Variants in PCDHGB7 observed in about 807,000 individuals in gnomAD.
PCDHGB7 encodes protocadherin gamma-B7.
A neutral mutation model predicts 61.4 loss-of-function variants in PCDHGB7; 37 were observed. The ratio of observed to expected loss-of-function variants is 0.60; its 90% CI spans 0.46 to 0.79. PCDHGB7 has a LOEUF of 0.79. PCDHGB7 is among the 30% of genes least tolerant of loss of function. The pLI is 0.00. For missense variants in PCDHGB7, 1,166 were observed against 1,202.5 expected (o/e 0.97, Z 0.45); for synonymous variants, 464 against 503.5 (o/e 0.92, Z 1.05).
intron 1 of PCDHGB7, chr5:141,433,239 G>A: frequency 1.3e-6 from 2 of 1,494,126 alleles, no homozygotes; most frequent in Non-Finnish European, 1.8e-6. Context: ...TGTCTCCCAA[G>A]CTGGAATGCA....
At position 141,490,908 on chromosome 5, in the gene PCDHGB7, C is replaced by G; in HGVS notation, c.2416-3899C>G. On this transcript the variant is annotated intron_variant, in intron 1 of 3. Transcript: ENST00000398594. This position sits in a 1 kb window ranked among gnomAD's most constrained non-coding sequence, Gnocchi z 5.4. ...CATCTCTGCATGTGTTTGTCCTAGA[C>G]GAGAATGATAATGCCCCAGCTGTGC... The G allele has an allele frequency of 6.2e-7, 1 of 1,613,710 alleles. No individual in the cohort carries two copies. Among genetic ancestry groups the G allele is most frequent in the Non-Finnish European group, 8.5e-7 (1 of 1,179,754 alleles).
At chr5:141,510,158 A>G (rs1406170246) in intron 3 of PCDHGB7, among the ~76,000 whole-genome samples, 1 of 152,018 alleles carries the variant, frequency 6.6e-6, no homozygotes, top group African/African-American at 2.4e-5. Flanking sequence ...CTGTAATCTC[A>G]GCTACTCAGG....
Position 141,418,431 on chromosome 5 carries a change from A to T in PCDHGB7, c.572A>T (p.Tyr191Phe), listed in dbSNP as rs751083183. 3 of 1,614,000 alleles carry T rather than the reference A, an allele frequency of 1.9e-6. No individual in the cohort carries two copies. The highest frequency in any genetic ancestry group is 2.2e-5 in the East Asian group (1 of 44,882). The change falls in exon 1 of 4, where the codon TAT becomes TTT. Residue 191 changes from tyrosine (Y) to phenylalanine (F), a missense_variant. Tyr to Phe is a conservative substitution (Grantham distance 22). Coordinates refer to ENST00000398594, the MANE Select transcript of PCDHGB7 (RefSeq NM_018927.4). ...VEKDNPDGGK[Y>F]PELVLQKTLD... Reference sequence around the variant, plus strand: ...AAAGACAATCCTGATGGTGGCAAATATCCAGAATTAGTATTGCAGAAGACT... The same window carrying T: ...AAAGACAATCCTGATGGTGGCAAATTTCCAGAATTAGTATTGCAGAAGACT...
intron 1 of PCDHGB7, among the ~76,000 whole-genome samples, chr5:141,449,630 T>C (rs1006977026): frequency 6.7e-6 from 1 of 150,024 alleles, no homozygotes; most frequent in South Asian, 2.1e-4. Flanking sequence ...TTTAAAAAGA[T>C]GTATCTATAT....
rs535152193 is a variant in PCDHGB7, at chr5:141,422,906, C to G, written c.2415+2632C>G. ...TTCGTGCTGGACCAGAACGACAATG[C>G]GCCCGAGATCCTGTACCCTGCCCTC... On this transcript the variant is annotated intron_variant, in intron 1 of 3. Transcript: ENST00000398594. 6 of 1,614,264 alleles carry G rather than the reference C, an allele frequency of 3.7e-6. No homozygotes were observed. The South Asian group carries it at 6.6e-5, about 18-fold the overall frequency.
At chr5:141,444,255 T>G (rs764607115) in intron 1 of PCDHGB7, among the ~76,000 whole-genome samples, 8 of 130,834 alleles carry the variant, frequency 6.1e-5, no homozygotes, top group Non-Finnish European at 1.2e-4. Context: ...CACTGCAACC[T>G]CCGCCTCCCA....
At chr5:141,433,343 G>A (rs1591274674) in intron 1 of PCDHGB7, 1 of 630,308 alleles carries the variant, frequency 1.6e-6, no homozygotes, top group Admixed American at 3.0e-5. Flanking sequence ...ACAGGTGCAA[G>A]CCACCTACTG....
intron 1 of PCDHGB7, among the ~76,000 whole-genome samples, chr5:141,470,729 G>T (rs1253040487): frequency 6.6e-6 from 1 of 152,102 alleles, no homozygotes; most frequent in Non-Finnish European, 1.5e-5. Context: ...TCAGGGTCTT[G>T]CTCTGTCGCC....
At chr5:141,509,411 AGCC>A (rs2099876675) in intron 3 of PCDHGB7, among the ~76,000 whole-genome samples, 2 of 152,098 alleles carry the variant, frequency 1.3e-5, no homozygotes, top group Admixed American at 1.3e-4. Flanking sequence ...TCCAGCAGCG[AGCC>A]CCAATGAGTC....
chr5:141,494,729 C>T (rs2099756368), intron 1 of PCDHGB7, 78 bp from the exon 2 acceptor site: 31 of 1,610,050 alleles, frequency 1.9e-5, no homozygotes, highest in Admixed American at 3.3e-5. Flanking sequence ...CCTTCTCTCC[C>T]GGCCCATCCC....
At chr5:141,430,252 A>C (rs1292590200) in intron 1 of PCDHGB7, among the ~76,000 whole-genome samples, 1 of 102,244 alleles carries the variant, frequency 9.8e-6, no homozygotes, top group Admixed American at 1.0e-4. Context: ...CTAGGGAGAC[A>C]TCTCCATAAT....
intron 3 of PCDHGB7, among the ~76,000 whole-genome samples, chr5:141,509,015 C>T (rs1370464396): frequency 6.6e-6 from 1 of 152,098 alleles, no homozygotes; most frequent in East Asian, 1.9e-4. Flanking sequence ...AAGTGGGCAG[C>T]TGCTCCCTCC....
At chr5:141,423,448 T>A (rs780751840) in intron 1 of PCDHGB7, 1 of 1,613,992 alleles carries the variant, frequency 6.2e-7, no homozygotes, top group East Asian at 2.2e-5. Context: ...CACGTCACAT[T>A]TTGTAGGCGT....
chr5:141,472,856 C>T (rs1251907207), intron 1 of PCDHGB7, among the ~76,000 whole-genome samples: 5 of 150,296 alleles, frequency 3.3e-5, no homozygotes, highest in East Asian at 2.0e-4. Flanking sequence ...CATGGTGGCA[C>T]ATGCCTGTAT....
At chr5:141,465,522 G>A (rs1416012695) in intron 1 of PCDHGB7, among the ~76,000 whole-genome samples, 1 of 152,112 alleles carries the variant, frequency 6.6e-6, no homozygotes, top group Non-Finnish European at 1.5e-5. Context: ...AGGATTCTGG[G>A]GAAGTTTTCC....
chr5:141,472,079 G>T (rs2099271048), intron 1 of PCDHGB7, among the ~76,000 whole-genome samples: 1 of 152,124 alleles, frequency 6.6e-6, no homozygotes, highest in African/African-American at 2.4e-5. Flanking sequence ...TTATATCAAT[G>T]AGTACTATTA....
chr5:141,485,341 G>C lies in PCDHGB7; in HGVS notation c.2416-9466G>C. 1.2e-6 allele frequency: 2 copies of C among 1,614,118 alleles called. No homozygotes were observed. Among genetic ancestry groups the C allele is most frequent in the Non-Finnish European group, 8.5e-7 (1 of 1,180,022 alleles). ...TCGCTCAAGATTTCCTGCTGGATAC[G>C]GACAGTCTGTCAGCTCGCAGGCTGC... On this transcript the variant is annotated intron_variant, in intron 1 of 3. Coordinates refer to ENST00000398594, the MANE Select transcript of PCDHGB7 (RefSeq NM_018927.4). The surrounding 1 kb of genome is among the most constrained non-coding windows in gnomAD (Gnocchi z 5.7).
intron 2 of PCDHGB7, among the ~76,000 whole-genome samples, chr5:141,496,500 C>T (rs1350421492): frequency 6.6e-6 from 1 of 152,162 alleles, no homozygotes; most frequent in Non-Finnish European, 1.5e-5. Flanking sequence ...ACCCTTGTTG[C>T]CACAAGGACC....
Position 141,485,267 on chromosome 5 carries a change from C to T in PCDHGB7, c.2416-9540C>T, listed in dbSNP as rs767229426. On this transcript the variant is annotated intron_variant, in intron 1 of 3. Transcript: ENST00000398594. This position sits in a 1 kb window ranked among gnomAD's most constrained non-coding sequence, Gnocchi z 5.7. ...CCTGGGTTACGTTTGTGGGCAGATC[C>T]GCTACCCGGTCCCAGAGGAGTCACA... is the stretch of plus-strand genomic sequence containing the variant. 6.2e-7 allele frequency: 1 copy of T among 1,614,088 alleles called. No homozygotes were observed. Among genetic ancestry groups the T allele is most frequent in the South Asian group, 1.1e-5 (1 of 91,082 alleles).
Sources: allele counts gnomAD v4.1 joint callset (sites outside exome capture counted in the v4.1 genomes callset), GRCh38; gene constraint gnomAD v4.1.1; non-coding constraint Gnocchi (gnomAD v3.1); transcripts MANE v1.5; gene names NCBI Gene and HGNC (gene_info 2026-07-23, HGNC 2026-07-21).